USP28: variants seen among roughly 807,000 people sequenced by gnomAD.
The protein encoded by USP28 is ubiquitin specific peptidase 28, also known as ubiquitin carboxyl-terminal hydrolase 28.
Under a neutral mutation model 145.0 loss-of-function variants are expected in USP28, and 113 were observed. That is an observed-to-expected ratio of 0.78 (90% CI 0.67 to 0.91). The LOEUF is 0.91. Ranked by LOEUF, USP28 falls within the 40% of genes least tolerant of loss-of-function variation. The pLI is 0.00. For synonymous variants in USP28, 447 were observed against 450.9 expected, an observed-to-expected ratio of 0.99 and a Z score of 0.11; for missense variants, 1,201 against 1,289.6, an observed-to-expected ratio of 0.93 and a Z score of 1.05.
chr11:113,831,900 A>G lies in USP28; in HGVS notation c.833+20T>C. 6.2e-7 allele frequency: 1 copy of G among 1,611,436 alleles called. No individual in the cohort carries two copies. Among genetic ancestry groups the G allele is most frequent in the East Asian group, 2.2e-5 (1 of 44,774 alleles). On this transcript the variant is annotated intron_variant, in intron 8 of 24. Transcript: ENST00000003302. ...CCACTGTGAGTCGGAAGGATGTACA[A>G]ACAAACCCTCAACACTCACTTAACA...
At chr11:113,861,818 A>G (rs1001716806) in intron 1 of USP28, among the ~76,000 whole-genome samples, 1 of 152,202 alleles carries the variant, frequency 6.6e-6, no homozygotes, top group African/African-American at 2.4e-5. Flanking sequence ...CTTTGAATAC[A>G]TGTTCCAACT....
At chr11:113,815,082 T>C in intron 14 of USP28, 92 bp downstream of exon 14, 8 of 1,103,610 alleles carry the variant, frequency 7.2e-6, no homozygotes, top group South Asian at 1.5e-5. Flanking sequence ...GCATGTACAG[T>C]AATGTCAGGA....
exon 25 of USP28, chr11:113,799,224 T>G: frequency 6.2e-7 from 1 of 1,608,190 alleles, no homozygotes; most frequent in Non-Finnish European, 8.5e-7. Flanking sequence ...AGAATGGGCC[T>G]TGAACATGTG....
chr11:113,804,187 T>A (rs901024902), intron 21 of USP28, among the ~76,000 whole-genome samples: 1 of 152,206 alleles, frequency 6.6e-6, no homozygotes, highest in South Asian at 2.1e-4. Context: ...GTGAATGACC[T>A]CTTTAGGACT....
intron 14 of USP28, 150 bp downstream of exon 14, chr11:113,815,024 C>G: frequency 1.4e-6 from 1 of 737,620 alleles, no homozygotes; most frequent in African/African-American, 1.8e-5. Flanking sequence ...TGCACTCCAG[C>G]CTGGGTGATA....
intron 11 of USP28, among the ~76,000 whole-genome samples, chr11:113,826,534 T>A (rs1228312150): frequency 6.6e-6 from 1 of 151,572 alleles, no homozygotes; most frequent in Non-Finnish European, 1.5e-5. Context: ...CTTAAACTCC[T>A]GCGCTCAAGA....
intron 16 of USP28, among the ~76,000 whole-genome samples, chr11:113,810,034 C>CAAAAAAA (rs368686301): frequency 8.7e-5 from 6 of 68,970 alleles, no homozygotes; most frequent in Admixed American, 1.8e-4. Context: ...GACTCCATCT[C>CAAAAAAA]AAAAAAAAAA....
intron 7 of USP28, among the ~76,000 whole-genome samples, chr11:113,832,478 T>C (rs1046625332): frequency 1.3e-5 from 2 of 152,046 alleles, no homozygotes; most frequent in African/African-American, 4.8e-5. Flanking sequence ...CTACTATACA[T>C]AAAAAAGAAG....
intron 24 of USP28, 83 bp from the exon 26 acceptor site, chr11:113,799,498 C>CCTAT: frequency 1.4e-6 from 2 of 1,451,100 alleles, no homozygotes; most frequent in South Asian, 2.7e-5. Flanking sequence ...TAGCCCCTTA[C>CCTAT]CTAACCTCAA....
chr11:113,838,118 T>C (rs1266878079), intron 5 of USP28, among the ~76,000 whole-genome samples: 4 of 152,232 alleles, frequency 2.6e-5, no homozygotes, highest in African/African-American at 7.2e-5. Flanking sequence ...ATACTTTCTA[T>C]GCTGTCTGCT....
At chr11:113,804,553 G>C in intron 21 of USP28, 120 bp downstream of exon 22, 2 of 816,886 alleles carry the variant, frequency 2.4e-6, no homozygotes, top group Non-Finnish European at 3.8e-6. Flanking sequence ...CCAGGATTTT[G>C]AGGGGAAAGT....
At chr11:113,836,809 G>A (rs1230679657) in intron 5 of USP28, among the ~76,000 whole-genome samples, 1 of 152,046 alleles carries the variant, frequency 6.6e-6, no homozygotes, top group Non-Finnish European at 1.5e-5. Flanking sequence ...GTCTGCCACT[G>A]GGGACTTTCA....
At chr11:113,841,569 T>G in intron 4 of USP28, 94 bp downstream of exon 4, 1 of 741,760 alleles carries the variant, frequency 1.3e-6, no homozygotes, top group Non-Finnish European at 2.2e-6. Context: ...ATTCAGGTGC[T>G]TAACAGAATT....
intron 1 of USP28, among the ~76,000 whole-genome samples, chr11:113,873,939 G>A (rs1051129612): frequency 4.2e-5 from 6 of 141,240 alleles, no homozygotes; most frequent in South Asian, 2.3e-4. Context: ...TCAAGAGACC[G>A]AGACCATCCT....
At chr11:113,825,116 C>T (rs1943145909) in intron 11 of USP28, among the ~76,000 whole-genome samples, 2 of 152,140 alleles carry the variant, frequency 1.3e-5, no homozygotes, top group South Asian at 4.2e-4. Context: ...AGGATTCATA[C>T]TATCTAATGT....
At chr11:113,817,038 T>A (rs1941848156) in intron 13 of USP28, among the ~76,000 whole-genome samples, 1 of 152,164 alleles carries the variant, frequency 6.6e-6, no homozygotes, top group Admixed American at 6.5e-5. Context: ...AACTTTTTAT[T>A]GAGTATTAGT....
chr11:113,857,986 T>C (rs2513588), intron 1 of USP28, among the ~76,000 whole-genome samples: 151,243 of 152,228 alleles, frequency 0.99, 75,140 homozygotes, highest in Middle Eastern at 1. Flanking sequence ...CCACCTCAGC[T>C]TCCCGAGTAG....
chr11:113,831,821 A>C (rs1302798456), intron 8 of USP28, 99 bp downstream of exon 8: 1 of 1,193,660 alleles, frequency 8.4e-7, no homozygotes, highest in African/African-American at 1.5e-5. Context: ...ATGGTTAAAA[A>C]CCAGCAATTT....
At chr11:113,811,716 A>C (rs114214093) in intron 16 of USP28, among the ~76,000 whole-genome samples, 4 of 151,978 alleles carry the variant, frequency 2.6e-5, no homozygotes, top group Non-Finnish European at 5.9e-5. Flanking sequence ...AAATTTAGTT[A>C]TTCTCCAAAG....
Sources: gnomAD v4.1 joint callset for allele counts (sites outside exome capture counted in the v4.1 genomes callset) on GRCh38, gnomAD v4.1.1 for gene constraint, MANE v1.5 for transcripts, NCBI Gene and HGNC (gene_info 2026-07-23, HGNC 2026-07-21) for gene names.